The following PDE1C variants were observed in gnomAD, a reference collection of about 807,000 sequenced individuals.
PDE1C encodes phosphodiesterase 1C.
PDE1C carries 62 observed loss-of-function variants against 93.1 expected under a neutral mutation model. That is an observed-to-expected ratio of 0.67 (90% CI 0.54 to 0.82). The LOEUF (loss-of-function observed/expected upper bound fraction) is 0.82, where lower values mean the gene tolerates loss of function less well. PDE1C is among the 40% of genes least tolerant of loss of function. PDE1C has a pLI of 0.00. For missense variants in PDE1C, 742 were observed against 884.6 expected, an observed-to-expected ratio of 0.84 and a Z score of 2.04; for synonymous variants, 325 against 310.1, an observed-to-expected ratio of 1.05 and a Z score of -0.50.
At chr7:31,840,598 T>C (rs1297281368) in intron 9 of PDE1C, among the ~76,000 whole-genome samples, 1 of 152,216 alleles carries the variant, frequency 6.6e-6, no homozygotes, top group Admixed American at 6.5e-5. Context: ...TTTAGGTTTA[T>C]AACCAATTTT....
At chr7:31,963,422 A>G (rs1001807142) in intron 2 of PDE1C, among the ~76,000 whole-genome samples, 2 of 152,166 alleles carry the variant, frequency 1.3e-5, no homozygotes, top group African/African-American at 2.4e-5. Flanking sequence ...AGCATGGACT[A>G]TTTCCCAGTT....
chr7:31,634,835 A>G, the PDE1C span, among the ~76,000 whole-genome samples: 1 of 152,182 alleles, frequency 6.6e-6, no homozygotes, highest in Admixed American at 6.5e-5. Context: ...TGGGAAGTCA[A>G]GGCCCCACTG....
At chr7:31,785,952 G>A (rs1194219082) in intron 16 of PDE1C, 1 of 152,184 alleles carries the variant, frequency 6.6e-6, no homozygotes, top group African/African-American at 2.4e-5. Flanking sequence ...TAGTGATAAT[G>A]AGGCCTTTAA....
chr7:31,996,597 G>A (rs1400583199), intron 2 of PDE1C, among the ~76,000 whole-genome samples: 2 of 152,172 alleles, frequency 1.3e-5, no homozygotes, highest in African/African-American at 2.4e-5. Context: ...CAAGGGGCTT[G>A]TCCTACTAAT....
At chr7:32,062,564 C>T (rs1273887525) in intron 1 of PDE1C, among the ~76,000 whole-genome samples, 2 of 152,192 alleles carry the variant, frequency 1.3e-5, no homozygotes, top group Non-Finnish European at 2.9e-5. Context: ...TCTCAGCATG[C>T]GTCTCTTTTC....
chr7:32,218,646 A>G (rs1242635248), intron 1 of PDE1C, among the ~76,000 whole-genome samples: 6 of 152,092 alleles, frequency 3.9e-5, no homozygotes, highest in Non-Finnish European at 7.4e-5. Flanking sequence ...ACCTAATTTC[A>G]TAAGTTTGCT....
chr7:32,259,100 C>T (rs921932445), intron 1 of PDE1C, among the ~76,000 whole-genome samples: 2 of 152,156 alleles, frequency 1.3e-5, no homozygotes, highest in African/African-American at 4.8e-5. Flanking sequence ...TTTTTACATT[C>T]CTGATTTTTA....
intron 1 of PDE1C, among the ~76,000 whole-genome samples, chr7:32,403,830 G>A (rs1344814354): frequency 6.6e-6 from 1 of 152,176 alleles, no homozygotes; most frequent in African/African-American, 2.4e-5. Context: ...GCAGCATTGG[G>A]AACTGAGGGG....
intron 8 of PDE1C, 87 bp from the exon 9 acceptor site, chr7:31,848,183 T>A: frequency 7.7e-7 from 1 of 1,304,502 alleles, no homozygotes; most frequent in Non-Finnish European, 1.1e-6. Flanking sequence ...CACCACCACT[T>A]TTTTCCATGT....
intron 2 of PDE1C, among the ~76,000 whole-genome samples, chr7:32,184,971 C>G (rs575841497): frequency 6.6e-6 from 1 of 151,840 alleles, no homozygotes; most frequent in African/African-American, 2.4e-5. Flanking sequence ...ATTAGCTGGG[C>G]GTAGTGGCGC....
chr7:32,193,916 GTTTT>G (rs1554283858), intron 2 of PDE1C, among the ~76,000 whole-genome samples: 1 of 115,252 alleles, frequency 8.7e-6, no homozygotes, highest in African/African-American at 3.4e-5. Flanking sequence ...GTTTTGTTTT[GTTTT>G]TTTTTTTTTT....
intron 1 of PDE1C, among the ~76,000 whole-genome samples, chr7:32,277,692 C>T (rs1811369663): frequency 6.6e-6 from 1 of 152,176 alleles, no homozygotes; most frequent in African/African-American, 2.4e-5. Context: ...CTTCAAACCT[C>T]CTCTTTCATT....
At position 31,798,028 on chromosome 7, in the gene PDE1C, TACCTTAAGATC is replaced by T. The variant is rs61644563; in HGVS notation, c.1891+10992_1891+11002del. ...GATAGAAACAGATTTCAAGATATTCTACCTTAAGATCACAATTCATCAACTAAGTCCCCTTA... is the reference window on the plus strand; with the variant it reads ...GATAGAAACAGATTTCAAGATATTCTACAATTCATCAACTAAGTCCCCTTA... On this transcript the variant is annotated intron_variant, in intron 16 of 17. Transcript: ENST00000396191. Among the ~76,000 whole-genome samples, 1,389 of 151,818 alleles carry T rather than the reference TACCTTAAGATC, an allele frequency of 9.1e-3. 8 individuals are homozygous for T. The highest frequency in any genetic ancestry group is 0.023 in the African/African-American group (939 of 41,488).
chr7:32,021,437 C>T (rs1182866120), intron 2 of PDE1C, among the ~76,000 whole-genome samples: 1 of 152,032 alleles, frequency 6.6e-6, no homozygotes, highest in Non-Finnish European at 1.5e-5. Context: ...CAATAACTTT[C>T]TGAGAAGAGA....
intron 2 of PDE1C, among the ~76,000 whole-genome samples, chr7:31,970,872 G>A (rs1810856733): frequency 6.6e-6 from 1 of 152,234 alleles, no homozygotes; most frequent in South Asian, 2.1e-4. Context: ...GTTGGGTGTG[G>A]TGGCTCATGC....
intron 3 of PDE1C, among the ~76,000 whole-genome samples, chr7:32,136,076 T>A (rs1030339083): frequency 2.6e-5 from 4 of 152,154 alleles, no homozygotes; most frequent in African/African-American, 9.7e-5. Flanking sequence ...GTTGAGCTCA[T>A]AGAACCAGAG....
chr7:32,307,816 G>A (rs776603807), intron 1 of PDE1C, among the ~76,000 whole-genome samples: 5 of 152,352 alleles, frequency 3.3e-5, no homozygotes, highest in South Asian at 2.1e-4. Context: ...CACAGAAGAC[G>A]GGTGATTTCT....
intron 3 of PDE1C, among the ~76,000 whole-genome samples, chr7:32,115,390 T>G (rs778201828): frequency 1.3e-5 from 2 of 152,144 alleles, no homozygotes; most frequent in African/African-American, 2.4e-5. Flanking sequence ...ACACCGCATG[T>G]TCTCACTCAT....
At chr7:32,096,688 C>A (rs1452154942) in intron 3 of PDE1C, among the ~76,000 whole-genome samples, 1 of 152,152 alleles carries the variant, frequency 6.6e-6, no homozygotes. Context: ...CCCACTATGT[C>A]TTCTGCACAT....
Sources: allele counts gnomAD v4.1 joint callset (sites outside exome capture counted in the v4.1 genomes callset), GRCh38; gene constraint gnomAD v4.1.1; transcripts MANE v1.5; gene names NCBI Gene and HGNC (gene_info 2026-07-23, HGNC 2026-07-21).